The following CDCA2 variants were observed in gnomAD, a reference collection of about 807,000 sequenced individuals.
CDCA2 encodes the protein cell division cycle-associated protein 2.
In CDCA2, 44 loss-of-function variants were observed where a neutral mutation model predicts 67.0. The ratio of observed to expected loss-of-function variants is 0.66; its 90% CI spans 0.52 to 0.84. The LOEUF (loss-of-function observed/expected upper bound fraction) is 0.84, where lower values mean the gene tolerates loss of function less well. CDCA2 is among the 40% of genes least tolerant of loss of function. The probability of loss-of-function intolerance (pLI) is 0.00; values close to 1 mark genes in which losing one functional copy is unlikely to be tolerated. For synonymous variants in CDCA2, 447 were observed against 418.7 expected (o/e 1.07, Z -0.82); for missense variants, 1,253 against 1,203.2 (o/e 1.04, Z -0.61).
At chr8:25,461,726 A>G (rs115021380) in intron 3 of CDCA2, among the ~76,000 whole-genome samples, 214 of 152,350 alleles carry the variant, frequency 1.4e-3, no homozygotes, top group African/African-American at 5.0e-3. Flanking sequence ...AAAAAGAAAA[A>G]TACTGAGTCA....
rs755998286 is a variant in CDCA2, at chr8:25,466,330, G to A, written c.538+5G>A. ...AGTCCGAGATGACAGACTTGAGTGAGTAGAAATAATTCGTTCAGTTTTGAC... is the reference window on the plus strand; with the variant it reads ...AGTCCGAGATGACAGACTTGAGTGAATAGAAATAATTCGTTCAGTTTTGAC... On this transcript the variant is annotated splice_donor_5th_base_variant and intron_variant, in intron 5 of 14. Transcript: ENST00000330560. 2.5e-6 allele frequency: 4 copies of A among 1,578,798 alleles called. No individual in the cohort carries two copies. Among genetic ancestry groups the A allele is most frequent in the East Asian group, 2.3e-5 (1 of 43,866 alleles).
Position 25,468,368 on chromosome 8 carries a change from TACAG to T in CDCA2, c.696_699del (p.Asp232GlufsTer9), listed in dbSNP as rs1232255217. On this transcript the variant is annotated frameshift_variant, in exon 6 of 15. Transcript: ENST00000330560. LOFTEE classifies it high-confidence loss of function. ...TTGGTCTCCAGATATTCAATATTGA[TACAG>T]ACAGAGCATGTGCAGTTGAAACTTC... 1 of 1,613,746 alleles carries T rather than the reference TACAG, an allele frequency of 6.2e-7. No individual in the cohort carries two copies. Among genetic ancestry groups the T allele is most frequent in the Admixed American group, 1.7e-5 (1 of 59,992 alleles).
At position 25,507,636 on chromosome 8, in the gene CDCA2, C is replaced by G. The variant is rs1804739685; in HGVS notation, c.2970C>G (p.Ser990=). 4.3e-6 allele frequency: 7 copies of G among 1,614,016 alleles called. No homozygotes were observed. The South Asian group carries it at 6.6e-5, about 15-fold the overall frequency. The change falls in exon 15 of 15, where the codon TCC becomes TCG. Residue 990 remains serine (S), a synonymous_variant. Coordinates refer to ENST00000330560, the MANE Select transcript of CDCA2 (RefSeq NM_152562.4). ...CACTTGCAAATACTAAAGCCACTTC[C>G]CAGTTCAAAGGCTACCGGAGAAGAT... The part of the protein sequence containing the change: ...ISTLANTKAT[S]QFKGYRRRSS...
At chr8:25,494,774 T>TA (rs1302694714) in intron 13 of CDCA2, among the ~76,000 whole-genome samples, 1 of 152,220 alleles carries the variant, frequency 6.6e-6, no homozygotes, top group Admixed American at 6.5e-5. Flanking sequence ...TTAAAATAGT[T>TA]ATTAATTTAA....
At chr8:25,489,402 CTCTTCA>C (rs917048072) in intron 13 of CDCA2, among the ~76,000 whole-genome samples, 1 of 152,190 alleles carries the variant, frequency 6.6e-6, no homozygotes, top group African/African-American at 2.4e-5. Flanking sequence ...TCATGTTTCC[CTCTTCA>C]TCCTGAACTG....
At chr8:25,483,815 C>G (rs1228402683) in intron 9 of CDCA2, 151 bp from the exon 10 acceptor site, 4 of 694,832 alleles carry the variant, frequency 5.8e-6, no homozygotes, top group Non-Finnish European at 9.1e-6. Context: ...TTTGAATTTG[C>G]TCTACCAACA....
At chr8:25,496,137 A>G (rs1804213705) in intron 13 of CDCA2, among the ~76,000 whole-genome samples, 2 of 152,210 alleles carry the variant, frequency 1.3e-5, no homozygotes, top group Admixed American at 1.3e-4. Flanking sequence ...ACCAGAGTAC[A>G]AGGAAGGATG....
chr8:25,470,591 G>A (rs1803112274), intron 7 of CDCA2, among the ~76,000 whole-genome samples: 1 of 152,006 alleles, frequency 6.6e-6, no homozygotes. Context: ...TTCATAGTCT[G>A]GTTAGTTGAT....
chr8:25,490,280 C>G (rs1803950910), intron 13 of CDCA2, among the ~76,000 whole-genome samples: 1 of 151,720 alleles, frequency 6.6e-6, no homozygotes, highest in South Asian at 2.1e-4. Context: ...CCAGAAAGTA[C>G]AAAAAGGATT....
At chr8:25,481,459 G>A (rs951478830) in intron 8 of CDCA2, among the ~76,000 whole-genome samples, 1 of 152,180 alleles carries the variant, frequency 6.6e-6, no homozygotes, top group African/African-American at 2.4e-5. Flanking sequence ...GGGAGGCCGA[G>A]GCAGGTGGAT....
chr8:25,460,802 A>G (rs1802653733), intron 3 of CDCA2, among the ~76,000 whole-genome samples: 1 of 152,208 alleles, frequency 6.6e-6, no homozygotes, highest in Non-Finnish European at 1.5e-5. Context: ...TGCCAATACT[A>G]GAAAATAATG....
intron 7 of CDCA2, among the ~76,000 whole-genome samples, chr8:25,471,595 C>G (rs1365598291): frequency 1.3e-5 from 2 of 152,126 alleles, no homozygotes. Context: ...AACTCCTGAC[C>G]TCATGATCCA....
chr8:25,476,763 G>A (rs969618874), intron 7 of CDCA2, among the ~76,000 whole-genome samples: 4 of 151,652 alleles, frequency 2.6e-5, no homozygotes, highest in Non-Finnish European at 4.4e-5. Context: ...CATGTTGGCC[G>A]GGCTGCTCTC....
At chr8:25,479,581 A>G in intron 7 of CDCA2, 1 of 319,850 alleles carries the variant, frequency 3.1e-6, no homozygotes, top group Non-Finnish European at 5.9e-6. Context: ...TGGTCCAAGT[A>G]GTGGGTGTCA....
chr8:25,463,560 A>G (rs11775903), intron 4 of CDCA2, among the ~76,000 whole-genome samples: 45,744 of 151,964 alleles, frequency 0.3, 8,368 homozygotes, highest in South Asian at 0.46. Context: ...TACATTTACT[A>G]TAGACTTTGT....
chr8:25,498,663 T>C (rs1804346822), intron 13 of CDCA2, among the ~76,000 whole-genome samples: 1 of 152,016 alleles, frequency 6.6e-6, no homozygotes, highest in Non-Finnish European at 1.5e-5. Flanking sequence ...AAGATATTGA[T>C]ACAGCCGAGA....
intron 8 of CDCA2, among the ~76,000 whole-genome samples, chr8:25,481,998 T>A (rs1373921029): frequency 6.6e-6 from 1 of 152,190 alleles, no homozygotes; most frequent in Admixed American, 6.5e-5. Context: ...GAATTCTTGA[T>A]AACAAGGACT....
At chr8:25,464,819 G>C (rs947407296) in intron 4 of CDCA2, among the ~76,000 whole-genome samples, 1 of 152,024 alleles carries the variant, frequency 6.6e-6, no homozygotes, top group Non-Finnish European at 1.5e-5. Context: ...TGTTTATGTC[G>C]TGAACGTTTG....
chr8:25,469,263 A>G lies in CDCA2; in HGVS notation c.736-633A>G, dbSNP rs562542371. Reference sequence around the variant, plus strand: ...CTGGCAGAACAAAGATTTGATAGTTATTAGACATTCTTCAGGCTCCAGTGG... The same window carrying G: ...CTGGCAGAACAAAGATTTGATAGTTGTTAGACATTCTTCAGGCTCCAGTGG... On this transcript the variant is annotated intron_variant, in intron 6 of 14. Coordinates refer to ENST00000330560, the MANE Select transcript of CDCA2 (RefSeq NM_152562.4). 4.6e-5 allele frequency among the ~76,000 whole-genome samples: 7 copies of G among 152,334 alleles called. No homozygotes were observed. In the South Asian group the frequency reaches 1.4e-3, roughly 32 times the overall value.
Sources: allele counts gnomAD v4.1 joint callset (sites outside exome capture counted in the v4.1 genomes callset), GRCh38; gene constraint gnomAD v4.1.1; transcripts MANE v1.5; gene names NCBI Gene and HGNC (gene_info 2026-07-23, HGNC 2026-07-21).